The following RBFOX1 variants were observed in gnomAD, a reference collection of about 807,000 sequenced individuals.
RBFOX1 encodes RNA binding protein fox-1 homolog 1.
RBFOX1 carries 8 observed loss-of-function variants against 57.7 expected under a neutral mutation model. The ratio of observed to expected loss-of-function variants is 0.14; its 90% confidence interval spans 0.08 to 0.25. The LOEUF (loss-of-function observed/expected upper bound fraction) is 0.25, where lower values mean the gene tolerates loss of function less well. RBFOX1 is among the 10% of genes least tolerant of loss of function. The pLI, the probability that RBFOX1 is intolerant of heterozygous loss-of-function variation, is 1.00. For missense variants in RBFOX1, 611 were observed against 548.5 expected (o/e 1.11, Z -1.14); for synonymous variants, 326 against 222.4 (o/e 1.47, Z -4.15).
At chr16:6,537,507 A>G (rs546890352) in intron 2 of RBFOX1, among the ~76,000 whole-genome samples, 1 of 152,282 alleles carries the variant, frequency 6.6e-6, no homozygotes, top group South Asian at 2.1e-4. Flanking sequence ...AAGCTTACAG[A>G]TGTTTAGTGA....
At chr16:6,198,483 A>G (rs1028532170) in intron 1 of RBFOX1, among the ~76,000 whole-genome samples, 12 of 152,326 alleles carry the variant, frequency 7.9e-5, no homozygotes, top group African/African-American at 2.6e-4. Flanking sequence ...ATAGAGGACA[A>G]TGAATGCTTT....
At chr16:7,377,249 C>T (rs2097701347) in intron 4 of RBFOX1, among the ~76,000 whole-genome samples, 1 of 152,154 alleles carries the variant, frequency 6.6e-6, no homozygotes, top group South Asian at 2.1e-4. Flanking sequence ...TGGCATATGT[C>T]AGTGACCTCC....
chr16:7,417,120 A>C (rs1260199818), intron 4 of RBFOX1, among the ~76,000 whole-genome samples: 1 of 152,154 alleles, frequency 6.6e-6, no homozygotes, highest in East Asian at 1.9e-4. Flanking sequence ...CTGTAATCCC[A>C]GCACTTTGGG....
intron 2 of RBFOX1, among the ~76,000 whole-genome samples, chr16:6,372,564 G>C (rs1320194809): frequency 1.3e-5 from 2 of 152,060 alleles, no homozygotes; most frequent in African/African-American, 4.8e-5. Context: ...GGGTGGAATG[G>C]AGATTGGGTG....
intron 3 of RBFOX1, among the ~76,000 whole-genome samples, chr16:5,630,751 C>A (rs2048482286): frequency 6.6e-6 from 1 of 152,124 alleles, no homozygotes; most frequent in African/African-American, 2.4e-5. Flanking sequence ...ATCTGGAGGG[C>A]CAGGCTCTAA....
chr16:6,957,102 T>TTTTTAA lies in RBFOX1; in HGVS notation c.-15-94951_-15-94950insAATTTT, dbSNP rs1555677583. 9.3e-5 allele frequency among the ~76,000 whole-genome samples: 13 copies of TTTTTAA among 140,014 alleles called. No individual in the cohort carries two copies. In the East Asian group the frequency reaches 2.6e-3, roughly 28 times the overall value. The allele number at this position is 140,014 out of a possible 152,430, so 91.9% of individuals were successfully genotyped here. On this transcript the variant is annotated intron_variant, in intron 3 of 15. Transcript: ENST00000550418. ...CATGTTTTTTGGTTATTTATTTTAT[T>TTTTTAA]TTTTTATTTTTATTTTTATTTATTT...
At chr16:6,929,101 C>T (rs1210968182) in intron 3 of RBFOX1, among the ~76,000 whole-genome samples, 1 of 152,112 alleles carries the variant, frequency 6.6e-6, no homozygotes, top group East Asian at 1.9e-4. Context: ...GTGTTTAATT[C>T]ACAGGCCCAC....
intron 3 of RBFOX1, among the ~76,000 whole-genome samples, chr16:6,779,811 A>ATATATTTATTTATATT: frequency 9.4e-5 from 2 of 21,384 alleles, no homozygotes; most frequent in African/African-American, 4.1e-4. Flanking sequence ...ATATATTTAT[A>ATATATTTATTTATATT]TATATATTTA....
At chr16:6,497,988 C>T (rs1169261788) in intron 2 of RBFOX1, among the ~76,000 whole-genome samples, 1 of 152,026 alleles carries the variant, frequency 6.6e-6, no homozygotes, top group East Asian at 1.9e-4. Context: ...GTGGTTCATG[C>T]CTGTAATCCC....
intron 3 of RBFOX1, among the ~76,000 whole-genome samples, chr16:6,873,059 C>T (rs1167206732): frequency 6.6e-6 from 1 of 151,190 alleles, no homozygotes; most frequent in South Asian, 2.1e-4. Flanking sequence ...TGAGGCTATG[C>T]AAAGCCACCC....
intron 11 of RBFOX1, among the ~76,000 whole-genome samples, chr16:7,637,443 T>C (rs546957951): frequency 6.6e-6 from 1 of 152,170 alleles, no homozygotes; most frequent in Non-Finnish European, 1.5e-5. Context: ...AGGAAGTAAT[T>C]GTGTGGAATT....
intron 4 of RBFOX1, among the ~76,000 whole-genome samples, chr16:7,465,160 C>G (rs1390193851): frequency 1.3e-5 from 2 of 152,170 alleles, no homozygotes; most frequent in East Asian, 1.9e-4. Context: ...CTTTTTCCAC[C>G]TAGAATCCTC....
At chr16:7,166,352 G>A (rs887563324) in intron 4 of RBFOX1, among the ~76,000 whole-genome samples, 1 of 152,098 alleles carries the variant, frequency 6.6e-6, no homozygotes, top group Non-Finnish European at 1.5e-5. Flanking sequence ...TCCCAAATCA[G>A]CAAATAGCTT....
At chr16:7,217,018 TCCC>T (rs2092179171) in intron 4 of RBFOX1, among the ~76,000 whole-genome samples, 1 of 13,860 alleles carries the variant, frequency 7.2e-5, no homozygotes, top group Admixed American at 8.8e-4. Flanking sequence ...CTTCCCTCCC[TCCC>T]TCCCTCCCTC....
At position 7,711,080 on chromosome 16, in the gene RBFOX1, T is replaced by A; in HGVS notation, c.*335T>A. The A allele has an allele frequency of 5.3e-6, 1 of 188,426 alleles. No homozygotes were observed. Among genetic ancestry groups the A allele is most frequent in the Non-Finnish European group, 1.1e-5 (1 of 92,658 alleles). The allele number at this position is 188,426 out of a possible 1,614,324, so 11.7% of individuals were successfully genotyped here. A position where few individuals can be genotyped will look rare whatever the true frequency, so the allele number is the denominator to read the frequency against. ...TATTATGTAAATGAATTATATATGC[T>A]GAATATTAAGCTACTGGGGTTATCA... On this transcript the variant is annotated 3_prime_UTR_variant, in exon 16 of 16. Transcript: ENST00000550418.
intron 4 of RBFOX1, among the ~76,000 whole-genome samples, chr16:7,107,438 C>A (rs1317679688): frequency 1.3e-5 from 2 of 152,134 alleles, no homozygotes; most frequent in Non-Finnish European, 2.9e-5. Flanking sequence ...GTACAACACT[C>A]CTCTCCTTAC....
At chr16:7,414,546 A>G (rs1418603181) in intron 4 of RBFOX1, among the ~76,000 whole-genome samples, 1 of 152,224 alleles carries the variant, frequency 6.6e-6, no homozygotes, top group Non-Finnish European at 1.5e-5. Context: ...TCCAACCAAT[A>G]TAGTAGGAAC....
chr16:6,593,956 G>T (rs533879374), intron 2 of RBFOX1, among the ~76,000 whole-genome samples: 1 of 152,148 alleles, frequency 6.6e-6, no homozygotes, highest in Admixed American at 6.5e-5. Context: ...TCAATTTGGC[G>T]TTTAGGATTA....
intron 4 of RBFOX1, among the ~76,000 whole-genome samples, chr16:7,112,380 T>TA (rs2064972454): frequency 1.8e-5 from 1 of 54,860 alleles, no homozygotes; most frequent in Non-Finnish European, 3.4e-5. Flanking sequence ...TTTTTTGTAT[T>TA]TTTTTTTTTT....
Sources: allele counts gnomAD v4.1 joint callset (sites outside exome capture counted in the v4.1 genomes callset), GRCh38; gene constraint gnomAD v4.1.1; transcripts MANE v1.5; gene names NCBI Gene and HGNC (gene_info 2026-07-23, HGNC 2026-07-21).